Variants in HPGDS observed in about 807,000 individuals in gnomAD.
HPGDS encodes the protein GST class-sigma.
HPGDS carries 26 observed loss-of-function variants against 23.1 expected under a neutral mutation model. The ratio of observed to expected loss-of-function variants is 1.13; its 90% CI spans 0.83 to 1.56. The LOEUF (loss-of-function observed/expected upper bound fraction) is 1.56, where lower values mean the gene tolerates loss of function less well. Among genes scored for constraint, HPGDS ranks in the 40% most tolerant of loss-of-function variants. HPGDS has a pLI of 0.00. For missense variants in HPGDS, 268 were observed against 236.4 expected (o/e 1.13, Z -0.88); for synonymous variants, 95 against 77.9 (o/e 1.22, Z -1.16).
chr4:94,328,898 A>G (rs1395182325), intron 2 of HPGDS, among the ~76,000 whole-genome samples: 2 of 152,226 alleles, frequency 1.3e-5, no homozygotes, highest in Non-Finnish European at 2.9e-5. Context: ...TGTCTCCTTC[A>G]AGTATCTTTC....
At chr4:94,309,098 G>T (rs1756203484) in intron 3 of HPGDS, among the ~76,000 whole-genome samples, 1 of 126,766 alleles carries the variant, frequency 7.9e-6, no homozygotes, top group African/African-American at 3.0e-5. Flanking sequence ...GATTCATTGA[G>T]GTAGATGCGC....
intron 1 of HPGDS, among the ~76,000 whole-genome samples, chr4:94,335,453 G>A (rs566636128): frequency 2.0e-5 from 3 of 152,220 alleles, no homozygotes; most frequent in East Asian, 1.9e-4. Flanking sequence ...TTAAGCACTC[G>A]TAGTGGAATA....
intron 3 of HPGDS, among the ~76,000 whole-genome samples, chr4:94,309,193 C>A (rs944572085): frequency 1.3e-4 from 19 of 150,574 alleles, no homozygotes; most frequent in Non-Finnish European, 2.2e-4. Context: ...CATATGTATA[C>A]ATGTGCCATG....
chr4:94,303,466 A>T (rs1472005774), intron 4 of HPGDS, among the ~76,000 whole-genome samples: 2 of 152,158 alleles, frequency 1.3e-5, no homozygotes, highest in Non-Finnish European at 2.9e-5. Flanking sequence ...GATACTCAAC[A>T]TGTACTTACA....
intron 2 of HPGDS, among the ~76,000 whole-genome samples, chr4:94,328,100 G>A (rs1473323652): frequency 1.3e-5 from 2 of 152,260 alleles, no homozygotes; most frequent in Admixed American, 6.5e-5. Flanking sequence ...GGAGTCTGCG[G>A]AGTAAATGTG....
At chr4:94,316,147 G>A (rs1455864551) in intron 3 of HPGDS, among the ~76,000 whole-genome samples, 3 of 152,080 alleles carry the variant, frequency 2.0e-5, no homozygotes. Flanking sequence ...TGGCACGTAT[G>A]GTCAACTGGA....
At chr4:94,327,460 G>C (rs976115985) in intron 2 of HPGDS, among the ~76,000 whole-genome samples, 2 of 152,106 alleles carry the variant, frequency 1.3e-5, no homozygotes, top group Non-Finnish European at 2.9e-5. Flanking sequence ...GGTAGTGGGT[G>C]GGGTGGGCTG....
intron 2 of HPGDS, among the ~76,000 whole-genome samples, chr4:94,321,413 T>G (rs1156355972): frequency 1.3e-5 from 2 of 152,232 alleles, no homozygotes; most frequent in Non-Finnish European, 2.9e-5. Flanking sequence ...TGTTCTTCCA[T>G]TTGTTTGTAT....
chr4:94,316,332 C>T (rs377270056), intron 3 of HPGDS, among the ~76,000 whole-genome samples: 2 of 152,148 alleles, frequency 1.3e-5, no homozygotes, highest in East Asian at 3.8e-4. Flanking sequence ...AATAGACTGC[C>T]TTCCACATGG....
intron 2 of HPGDS, among the ~76,000 whole-genome samples, chr4:94,323,952 C>CTAA (rs1271339596): frequency 6.6e-6 from 1 of 152,058 alleles, no homozygotes; most frequent in Non-Finnish European, 1.5e-5. Flanking sequence ...GTAAGCAGAC[C>CTAA]TGGTATTGAC....
intron 4 of HPGDS, chr4:94,303,767 C>CT (rs775856551): frequency 6.6e-6 from 1 of 152,126 alleles, no homozygotes; most frequent in African/African-American, 2.4e-5. Context: ...CCTGTGTGCA[C>CT]TCCTGGCAAA....
At chr4:94,331,676 A>T (rs1560594929) in intron 2 of HPGDS, among the ~76,000 whole-genome samples, 2 of 152,134 alleles carry the variant, frequency 1.3e-5, no homozygotes, top group Non-Finnish European at 2.9e-5. Context: ...GGATCTCACC[A>T]TTTAGTTTCT....
chr4:94,318,315 T>C (rs757326892), intron 2 of HPGDS, among the ~76,000 whole-genome samples: 1 of 152,294 alleles, frequency 6.6e-6, no homozygotes, highest in East Asian at 1.9e-4. Context: ...AAAATCGTAG[T>C]CTGAGGATTA....
chr4:94,340,650 C>CTTTTTT (rs35678433), intron 1 of HPGDS, among the ~76,000 whole-genome samples: 1 of 22,462 alleles, frequency 4.5e-5, no homozygotes, highest in Non-Finnish European at 7.4e-5. Flanking sequence ...GCCCCCCTCC[C>CTTTTTT]TTTTTTTTTT....
intron 2 of HPGDS, among the ~76,000 whole-genome samples, chr4:94,319,706 C>G (rs529903060): frequency 6.6e-6 from 1 of 152,216 alleles, no homozygotes; most frequent in Admixed American, 6.6e-5. Flanking sequence ...CTTGTAGGAA[C>G]AGTCTATTGG....
intron 2 of HPGDS, among the ~76,000 whole-genome samples, chr4:94,321,920 T>G (rs906533693): frequency 1.3e-5 from 2 of 151,978 alleles, no homozygotes; most frequent in East Asian, 3.8e-4. Context: ...TAGCTCTTAT[T>G]ATTTTGAGAT....
chr4:94,337,333 A>G (rs1301971268), intron 1 of HPGDS, among the ~76,000 whole-genome samples: 3 of 152,026 alleles, frequency 2.0e-5, no homozygotes, highest in South Asian at 2.1e-4. Flanking sequence ...GGCATAGTCA[A>G]TGTTTCCACA....
At chr4:94,304,408 T>TTA (rs1756103402) in intron 4 of HPGDS, among the ~76,000 whole-genome samples, 1 of 152,140 alleles carries the variant, frequency 6.6e-6, no homozygotes, top group Admixed American at 6.6e-5. Flanking sequence ...CATCTTTTGC[T>TTA]TTTAATTCTT....
intron 2 of HPGDS, among the ~76,000 whole-genome samples, chr4:94,329,974 T>C (rs1756706605): frequency 6.6e-6 from 1 of 152,212 alleles, no homozygotes. Flanking sequence ...TGATGTCTAG[T>C]CTTGTGACAG....
Sources: gnomAD v4.1 joint callset for allele counts (sites outside exome capture counted in the v4.1 genomes callset) on GRCh38, gnomAD v4.1.1 for gene constraint, MANE v1.5 for transcripts, NCBI Gene and HGNC (gene_info 2026-07-23, HGNC 2026-07-21) for gene names.